Variants in CCM2 observed in about 807,000 individuals in gnomAD.
CCM2 encodes cerebral cavernous malformations 2 protein.
CCM2 carries 25 observed loss-of-function variants against 44.9 expected under a neutral mutation model. The ratio of observed to expected loss-of-function variants is 0.56; its 90% CI spans 0.41 to 0.78. The LOEUF (loss-of-function observed/expected upper bound fraction) is 0.78. CCM2 is among the 30% of genes least tolerant of loss of function. CCM2 has a pLI of 0.00. For missense variants in CCM2, 481 were observed against 580.6 expected (o/e 0.83, Z 1.76); for synonymous variants, 219 against 241.1 (o/e 0.91, Z 0.85).
At chr7:45,023,015 A>G (rs767709972) in intron 1 of CCM2, among the ~76,000 whole-genome samples, 6 of 151,662 alleles carry the variant, frequency 4.0e-5, no homozygotes, top group Admixed American at 6.6e-5. Flanking sequence ...TGCTGGGATT[A>G]CAGGCATGAG....
In CCM2 at chr7:45,076,260, G is replaced by A; in HGVS notation, c.*203G>A. 1.3e-6 allele frequency: 1 copy of A among 766,520 alleles called. No individual in the cohort carries two copies. The highest frequency in any genetic ancestry group is 2.2e-6 in the Non-Finnish European group (1 of 448,466). The allele number at this position is 766,520 out of a possible 1,614,324, so 47.5% of individuals were successfully genotyped here. A position where few individuals can be genotyped will look rare whatever the true frequency, so the allele number is the denominator to read the frequency against. ...CACGAGCCTCAGTGCGGGGTGGAAG[G>A]CTCTTTGCCTTGTCCACCAGGGCTC... On this transcript the variant is annotated 3_prime_UTR_variant, in exon 10 of 10. Transcript: ENST00000258781.
chr7:45,000,943 ATAG>A (rs1269164041), intron 1 of CCM2, among the ~76,000 whole-genome samples: 1 of 152,250 alleles, frequency 6.6e-6, no homozygotes, highest in Non-Finnish European at 1.5e-5. Context: ...GTAAAGGGTT[ATAG>A]TAGTCGATAA....
chr7:45,048,337 C>G (rs1305411509), intron 2 of CCM2, among the ~76,000 whole-genome samples: 1 of 152,200 alleles, frequency 6.6e-6, no homozygotes, highest in Non-Finnish European at 1.5e-5. Context: ...ATCCCACATA[C>G]TCCAGTGTGG....
At chr7:45,072,473 C>T (rs1271749519) in intron 6 of CCM2, 1 of 606,142 alleles carries the variant, frequency 1.6e-6, no homozygotes, top group African/African-American at 1.8e-5. Flanking sequence ...TGAATGTGTA[C>T]TTCAGCCCAG....
intron 2 of CCM2, among the ~76,000 whole-genome samples, chr7:45,062,793 C>T (rs1331628074): frequency 6.6e-6 from 1 of 150,572 alleles, no homozygotes; most frequent in Non-Finnish European, 1.5e-5. Context: ...CGCCTCTGCA[C>T]CCCAGCCTGT....
At chr7:45,066,154 C>T (rs1798762889) in intron 4 of CCM2, among the ~76,000 whole-genome samples, 1 of 152,096 alleles carries the variant, frequency 6.6e-6, no homozygotes, top group South Asian at 2.1e-4. Context: ...AGATGAAAAA[C>T]AGGACTTCTG....
intron 1 of CCM2, among the ~76,000 whole-genome samples, chr7:45,013,258 A>C (rs1015172751): frequency 3.3e-5 from 5 of 152,096 alleles, no homozygotes; most frequent in Admixed American, 1.3e-4. Context: ...TGTTTTTTGC[A>C]AACTTTTTGG....
intron 6 of CCM2, chr7:45,071,763 C>T (rs1252953675): frequency 4.4e-6 from 2 of 456,696 alleles, no homozygotes; most frequent in South Asian, 3.1e-5. Flanking sequence ...GCCACGTGAC[C>T]TCTTCCACAG....
chr7:45,066,252 G>A (rs1157183867), intron 4 of CCM2, among the ~76,000 whole-genome samples: 2 of 152,134 alleles, frequency 1.3e-5, no homozygotes, highest in Admixed American at 6.5e-5. Context: ...ATGCACCGGA[G>A]CAGTTGTGTG....
At chr7:45,063,870 G>T in intron 2 of CCM2, 48 bp from the exon 3 acceptor site, 2 of 1,249,758 alleles carry the variant, frequency 1.6e-6, no homozygotes, top group Non-Finnish European at 2.3e-6. Flanking sequence ...TGGTGGTGTT[G>T]GCTCAGCTCC....
intron 1 of CCM2, among the ~76,000 whole-genome samples, chr7:45,015,430 A>G (rs1332305936): frequency 6.6e-6 from 1 of 152,120 alleles, no homozygotes; most frequent in Non-Finnish European, 1.5e-5. Context: ...CCTAAAGCTG[A>G]ACTAAGAAAT....
At chr7:45,028,293 C>T (rs1323131548) in intron 1 of CCM2, among the ~76,000 whole-genome samples, 1 of 152,198 alleles carries the variant, frequency 6.6e-6, no homozygotes, top group South Asian at 2.1e-4. Context: ...CTCCTGTGGG[C>T]ACTAAGGTGC....
intron 1 of CCM2, among the ~76,000 whole-genome samples, chr7:45,024,564 A>G (rs1042192921): frequency 6.6e-6 from 1 of 152,136 alleles, no homozygotes; most frequent in Non-Finnish European, 1.5e-5. Context: ...TAGATCCTCT[A>G]GTATGTTTTT....
At chr7:45,075,660 CCAAGGCCA>C in intron 9 of CCM2, 109 bp from the exon 10 acceptor site, 1 of 1,302,426 alleles carries the variant, frequency 7.7e-7, no homozygotes, top group Non-Finnish European at 1.1e-6. Context: ...ATCAGGGTCC[CCAAGGCCA>C]TGCACCAGGG....
intron 2 of CCM2, among the ~76,000 whole-genome samples, chr7:45,042,113 G>A (rs564002354): frequency 1.3e-5 from 2 of 151,956 alleles, no homozygotes; most frequent in South Asian, 4.2e-4. Flanking sequence ...ATCTCTACTA[G>A]AAATACAAAA....
Position 45,069,869 on chromosome 7 carries a change from A to G in CCM2, c.653A>G (p.Gln218Arg). 6.2e-7 allele frequency: 1 copy of G among 1,614,208 alleles called. No individual in the cohort carries two copies. Among genetic ancestry groups the G allele is most frequent in the Non-Finnish European group, 8.5e-7 (1 of 1,180,042 alleles). ...ELCCLLGQVFQVVYTESTIDF... is the reference protein window; with the variant it reads ...ELCCLLGQVFRVVYTESTIDF... ...TGCTGTCTGCTAGGCCAGGTCTTCC[A>G]GGTTGTTTACACGGAGTCCACCATC... Residue 218 changes from glutamine to arginine, a missense_variant, in exon 6 of 10, where the codon CAG becomes CGG. Transcript: ENST00000258781.
chr7:45,044,228 G>A (rs1395908015), intron 2 of CCM2, among the ~76,000 whole-genome samples: 3 of 152,182 alleles, frequency 2.0e-5, no homozygotes, highest in Admixed American at 2.0e-4. Context: ...CCGCCTCCCG[G>A]GTTCACGCTG....
At chr7:45,064,058 C>A in intron 3 of CCM2, 57 bp downstream of exon 3, 2 of 1,249,116 alleles carry the variant, frequency 1.6e-6, no homozygotes, top group Non-Finnish European at 2.4e-6. Context: ...AGCCCTTGGT[C>A]CCTGTACTCT....
At chr7:45,058,067 C>T (rs201862529) in intron 2 of CCM2, among the ~76,000 whole-genome samples, 60 of 152,338 alleles carry the variant, frequency 3.9e-4, no homozygotes, top group Admixed American at 7.2e-4. Flanking sequence ...CTCATGTCAC[C>T]GTGTTTACGT....
Sources: gnomAD v4.1 joint callset for allele counts (sites outside exome capture counted in the v4.1 genomes callset) on GRCh38, gnomAD v4.1.1 for gene constraint, MANE v1.5 for transcripts, NCBI Gene and HGNC (gene_info 2026-07-23, HGNC 2026-07-21) for gene names.